ARPP21: variants seen among roughly 807,000 people sequenced by gnomAD.
ARPP21 encodes cAMP-regulated phosphoprotein 21.
A neutral mutation model predicts 113.2 loss-of-function variants in ARPP21; 69 were observed. The ratio of observed to expected loss-of-function variants is 0.61; its 90% CI spans 0.50 to 0.74. The LOEUF is 0.74. Among genes scored for constraint, ARPP21 ranks in the 30% least tolerant of loss-of-function variants. ARPP21 has a pLI of 0.00. For missense variants in ARPP21, 1,070 were observed against 1,037.4 expected (o/e 1.03, Z -0.43); for synonymous variants, 368 against 375.5 (o/e 0.98, Z 0.23).
chr3:35,754,147 T>G (rs760841563), intron 19 of ARPP21, among the ~76,000 whole-genome samples: 4 of 151,864 alleles, frequency 2.6e-5, no homozygotes, highest in Non-Finnish European at 4.4e-5. Context: ...CAGTAGGATT[T>G]TTGTCTTTAT....
chr3:35,691,091 A>C, intron 9 of ARPP21, 86 bp downstream of exon 9: 1 of 1,387,680 alleles, frequency 7.2e-7, no homozygotes, highest in East Asian at 2.4e-5. Flanking sequence ...TTCACAGTAC[A>C]TGACATTTAA....
chr3:35,658,812 GGA>G (rs2149105832), intron 1 of ARPP21, among the ~76,000 whole-genome samples: 1 of 152,182 alleles, frequency 6.6e-6, no homozygotes, highest in South Asian at 2.1e-4. Context: ...CTGAATTTCA[GGA>G]GAGAGTGTAC....
chr3:35,659,822 G>A (rs553764288), intron 1 of ARPP21, among the ~76,000 whole-genome samples: 11 of 152,358 alleles, frequency 7.2e-5, no homozygotes, highest in Non-Finnish European at 1.5e-4. Flanking sequence ...GTGTTGTTCT[G>A]ACTGATGGAG....
At chr3:35,723,861 A>T (rs1178387999) in intron 14 of ARPP21, among the ~76,000 whole-genome samples, 1 of 152,192 alleles carries the variant, frequency 6.6e-6, no homozygotes, top group Non-Finnish European at 1.5e-5. Context: ...AGGCATGGGA[A>T]GGGAATAAAA....
At chr3:35,679,094 T>C (rs2078220282) in intron 1 of ARPP21, among the ~76,000 whole-genome samples, 1 of 151,870 alleles carries the variant, frequency 6.6e-6, no homozygotes, top group African/African-American at 2.4e-5. Flanking sequence ...TCTGTCAGTG[T>C]TTCTTTGCTG....
chr3:35,713,112 C>A (rs971731291), intron 11 of ARPP21, among the ~76,000 whole-genome samples: 1 of 152,082 alleles, frequency 6.6e-6, no homozygotes, highest in Non-Finnish European at 1.5e-5. Context: ...TAAGCAAAAT[C>A]GTTTTTCTTC....
In ARPP21 at chr3:35,739,411, C is replaced by T; in HGVS notation, c.1844C>T (p.Ser615Phe). ...PEPPSGPVYP[S>F]SLMPQPAQQP... ...CCCCCATCAGGTCCTGTCTACCCATCCTCCCTTATGCCACAGCCGGCCCAG... is the reference window on the plus strand; with the variant it reads ...CCCCCATCAGGTCCTGTCTACCCATTCTCCCTTATGCCACAGCCGGCCCAG... Residue 615 changes from serine to phenylalanine, a missense_variant, in exon 18 of 21, where the codon TCC becomes TTC. Transcript: ENST00000684406. The T allele has an allele frequency of 6.2e-7, 1 of 1,614,180 alleles. No individual in the cohort carries two copies. The highest frequency in any genetic ancestry group is 8.5e-7 in the Non-Finnish European group (1 of 1,180,038).
chr3:35,687,704 C>T, intron 5 of ARPP21, 35 bp from the exon 6 acceptor site: 1 of 1,580,958 alleles, frequency 6.3e-7, no homozygotes. Flanking sequence ...GATGATTAAA[C>T]CTGGCCCTAA....
chr3:35,668,000 AAGAAGAAGAAGAAG>A (rs1258205800), intron 1 of ARPP21, among the ~76,000 whole-genome samples: 2 of 150,186 alleles, frequency 1.3e-5, no homozygotes, highest in African/African-American at 4.9e-5. Context: ...GAAGAAGAAG[AAGAAGAAGAAGAAG>A]AAGAAGAAGA....
intron 5 of ARPP21, 50 bp from the exon 6 acceptor site, chr3:35,687,689 A>T: frequency 1.3e-6 from 2 of 1,538,286 alleles, no homozygotes; most frequent in Non-Finnish European, 1.8e-6. Context: ...TGGGAGCCAG[A>T]CAGAGATGAT....
At chr3:35,671,723 G>A (rs892567884) in intron 1 of ARPP21, among the ~76,000 whole-genome samples, 1 of 151,986 alleles carries the variant, frequency 6.6e-6, no homozygotes, top group South Asian at 2.1e-4. Flanking sequence ...GTTAGAGTAA[G>A]CACTCAGAGG....
intron 1 of ARPP21, among the ~76,000 whole-genome samples, chr3:35,671,101 C>G (rs2076234719): frequency 6.6e-6 from 1 of 152,114 alleles, no homozygotes; most frequent in East Asian, 1.9e-4. Flanking sequence ...TAGCTCCTTT[C>G]ACTCCCCTGG....
At chr3:35,676,316 G>T (rs1320872219) in intron 1 of ARPP21, among the ~76,000 whole-genome samples, 1 of 151,482 alleles carries the variant, frequency 6.6e-6, no homozygotes, top group African/African-American at 2.4e-5. Flanking sequence ...GTTGATCTTG[G>T]TTATGTTTGA....
chr3:35,648,501 G>A (rs1337501138), intron 1 of ARPP21, among the ~76,000 whole-genome samples: 1 of 152,154 alleles, frequency 6.6e-6, no homozygotes, highest in South Asian at 2.1e-4. Flanking sequence ...TCACCAAGGG[G>A]TCCTTGGCAC....
intron 19 of ARPP21, among the ~76,000 whole-genome samples, chr3:35,788,355 T>C (rs543324242): frequency 6.6e-6 from 1 of 152,304 alleles, no homozygotes; most frequent in South Asian, 2.1e-4. Context: ...TATCTTGTCT[T>C]CAAGAGAAGT....
intron 1 of ARPP21, among the ~76,000 whole-genome samples, chr3:35,647,714 G>T (rs1000620284): frequency 6.6e-6 from 1 of 152,176 alleles, no homozygotes; most frequent in South Asian, 2.1e-4. Flanking sequence ...TGAGTAAATA[G>T]TGTGACTATG....
chr3:35,648,759 A>G (rs1172616476), intron 1 of ARPP21, among the ~76,000 whole-genome samples: 1 of 152,198 alleles, frequency 6.6e-6, no homozygotes, highest in Non-Finnish European at 1.5e-5. Flanking sequence ...TGAGTTATAC[A>G]AAGCAGTAAA....
intron 11 of ARPP21, among the ~76,000 whole-genome samples, chr3:35,711,815 A>G (rs2091208586): frequency 6.6e-6 from 1 of 152,204 alleles, no homozygotes; most frequent in Non-Finnish European, 1.5e-5. Flanking sequence ...CATGGCAACT[A>G]ACTTCCCCTG....
chr3:35,710,002 G>A (rs546494909), intron 11 of ARPP21, among the ~76,000 whole-genome samples: 2 of 152,336 alleles, frequency 1.3e-5, no homozygotes, highest in South Asian at 2.1e-4. Context: ...AAAAGTTTCA[G>A]GCCAAAGCCA....
Sources: gnomAD v4.1 joint callset for allele counts (sites outside exome capture counted in the v4.1 genomes callset) on GRCh38, gnomAD v4.1.1 for gene constraint, MANE v1.5 for transcripts, NCBI Gene and HGNC (gene_info 2026-07-23, HGNC 2026-07-21) for gene names.